Variants in KCNN2 observed in about 807,000 individuals in gnomAD.
The protein encoded by KCNN2 is potassium calcium-activated channel subfamily N member 2, also known as small conductance calcium-activated potassium channel protein 2.
Under a neutral mutation model 55.5 loss-of-function variants are expected in KCNN2, and 24 were observed. That is an observed-to-expected ratio of 0.43 (90% CI 0.31 to 0.61). KCNN2 has a LOEUF of 0.61. Ranked by LOEUF, KCNN2 falls within the 20% of genes least tolerant of loss-of-function variation. The pLI is 0.08. For missense variants in KCNN2, 754 were observed against 853.6 expected, an observed-to-expected ratio of 0.88 and a Z score of 1.45; for synonymous variants, 431 against 336.1, an observed-to-expected ratio of 1.28 and a Z score of -3.09.
chr5:114,214,340 G>A (rs1203243188), intron 1 of KCNN2, among the ~76,000 whole-genome samples: 2 of 151,798 alleles, frequency 1.3e-5, no homozygotes, highest in Non-Finnish European at 2.9e-5. Context: ...TGGCCTGTGG[G>A]CTATCGTTTG....
intron 2 of KCNN2, among the ~76,000 whole-genome samples, chr5:114,368,051 A>ATT (rs949453736): frequency 6.7e-6 from 1 of 150,050 alleles, no homozygotes; most frequent in African/African-American, 2.4e-5. Flanking sequence ...TTATACACAG[A>ATT]TTTTTTTTTT....
At chr5:114,384,283 C>T (rs529766280) in intron 2 of KCNN2, among the ~76,000 whole-genome samples, 1 of 152,154 alleles carries the variant, frequency 6.6e-6, no homozygotes, top group Non-Finnish European at 1.5e-5. Flanking sequence ...ACCTTCAATT[C>T]ACCACAGTTG....
rs548585276 is a variant in KCNN2 at position 114,217,454 on chromosome 5, T to A, written c.-270-4026T>A. ...GGGGAAAAAAATCGCCACATAAATG[T>A]AGTCAACTAAGCAAATATAGTCAAG... is the stretch of plus-strand genomic sequence containing the variant. On this transcript the variant is annotated intron_variant, in intron 1 of 10. Coordinates refer to the KCNN2 transcript ENST00000512097. 1.9e-4 allele frequency among the ~76,000 whole-genome samples: 29 copies of A among 152,186 alleles called. No homozygotes were observed. In the South Asian group the frequency reaches 5.2e-3, roughly 27 times the overall value.
intron 1 of KCNN2, among the ~76,000 whole-genome samples, chr5:114,164,480 A>T (rs1752865807): frequency 6.6e-6 from 1 of 152,186 alleles, no homozygotes; most frequent in Admixed American, 6.5e-5. Context: ...AATCAAGAAT[A>T]TTGGAAACTA....
At chr5:114,159,780 T>C (rs1327344519) in intron 1 of KCNN2, among the ~76,000 whole-genome samples, 1 of 152,218 alleles carries the variant, frequency 6.6e-6, no homozygotes, top group Non-Finnish European at 1.5e-5. Flanking sequence ...GATTTTCTAG[T>C]TTATTTGCGT....
At chr5:114,476,245 G>A (rs986094549) in intron 5 of KCNN2, among the ~76,000 whole-genome samples, 52 of 138,238 alleles carry the variant, frequency 3.8e-4, no homozygotes, top group African/African-American at 1.3e-3. Context: ...GTCCAACAAT[G>A]ATAGACTGGA....
At position 114,225,686 on chromosome 5, in the gene KCNN2, GA is replaced by G. The variant is rs199646615; in HGVS notation, c.-185+4130del. Reference sequence around the variant, plus strand: ...GAAAAAAATCCAAGTTATCTACAAAGAAAAAAAAAGAAAATCAAATTTTTAT... The same window carrying G: ...GAAAAAAATCCAAGTTATCTACAAAGAAAAAAAAGAAAATCAAATTTTTAT... On this transcript the variant is annotated intron_variant, in intron 2 of 10. Coordinates refer to the KCNN2 transcript ENST00000512097. Among the ~76,000 whole-genome samples the G allele has an allele frequency of 4.5e-4, 68 of 149,926 alleles. No individual in the cohort carries two copies. In the East Asian group the frequency reaches 5.4e-3, roughly 12 times the overall value.
chr5:114,289,503 A>C (rs1040146756), intron 2 of KCNN2, among the ~76,000 whole-genome samples: 1 of 151,798 alleles, frequency 6.6e-6, no homozygotes, highest in Middle Eastern at 3.2e-3. Flanking sequence ...TAGCCTCCCA[A>C]GTATCTGGGA....
intron 1 of KCNN2, among the ~76,000 whole-genome samples, chr5:114,096,538 GTC>G (rs1247446544): frequency 1.3e-5 from 2 of 151,994 alleles, no homozygotes; most frequent in Non-Finnish European, 2.9e-5. Context: ...CTCCTCTCCT[GTC>G]TCTGTCAGGC....
chr5:114,390,756 A>C (rs943164837), intron 2 of KCNN2, among the ~76,000 whole-genome samples: 2 of 152,164 alleles, frequency 1.3e-5, no homozygotes, highest in Admixed American at 1.3e-4. Context: ...GAGAGAACCA[A>C]AAAGGGTAAA....
At chr5:114,375,956 A>G (rs1023079148) in intron 2 of KCNN2, among the ~76,000 whole-genome samples, 4 of 84,114 alleles carry the variant, frequency 4.8e-5, no homozygotes, top group Admixed American at 2.8e-4. Flanking sequence ...CACAGTGTAT[A>G]TATATATATA....
intron 2 of KCNN2, 104 bp from the exon 3 acceptor site, chr5:114,404,334 C>G (rs1214451761): frequency 1.4e-5 from 12 of 861,074 alleles, no homozygotes; most frequent in Non-Finnish European, 1.6e-5. Flanking sequence ...CTTTAGCTTG[C>G]CATGATTGCT....
intron 1 of KCNN2, among the ~76,000 whole-genome samples, chr5:114,152,408 G>C (rs1386413272): frequency 6.6e-6 from 1 of 152,078 alleles, no homozygotes; most frequent in Non-Finnish European, 1.5e-5. Context: ...ACTCAAAAAA[G>C]ATTCTCTAAT....
At chr5:114,178,852 T>G (rs571257793) in intron 1 of KCNN2, among the ~76,000 whole-genome samples, 5 of 152,326 alleles carry the variant, frequency 3.3e-5, no homozygotes, top group African/African-American at 1.2e-4. Flanking sequence ...GTTGACATAT[T>G]TTCTCAGTTA....
At chr5:114,197,681 G>A (rs907724345) in intron 1 of KCNN2, among the ~76,000 whole-genome samples, 3 of 152,154 alleles carry the variant, frequency 2.0e-5, no homozygotes, top group Non-Finnish European at 4.4e-5. Context: ...AGGCTGGGAG[G>A]CAGAATAGGG....
chr5:114,060,344 T>TA (rs1361941986), intron 1 of KCNN2, among the ~76,000 whole-genome samples: 2 of 152,248 alleles, frequency 1.3e-5, no homozygotes, highest in African/African-American at 4.8e-5. Flanking sequence ...TCTCTTTACT[T>TA]ATCTCTGTTC....
At chr5:114,075,485 T>C (rs554090435) in intron 1 of KCNN2, among the ~76,000 whole-genome samples, 2 of 152,354 alleles carry the variant, frequency 1.3e-5, no homozygotes, top group South Asian at 4.1e-4. Context: ...TATGCTGCTG[T>C]GTAAAATGCA....
At chr5:114,128,606 ACT>A (rs1465305578) in intron 1 of KCNN2, among the ~76,000 whole-genome samples, 1 of 152,098 alleles carries the variant, frequency 6.6e-6, no homozygotes, top group African/African-American at 2.4e-5. Context: ...ACATAATTTA[ACT>A]CATAACAGTA....
intron 3 of KCNN2, among the ~76,000 whole-genome samples, chr5:114,408,934 A>T (rs1163807800): frequency 6.6e-6 from 1 of 152,206 alleles, no homozygotes; most frequent in African/African-American, 2.4e-5. Flanking sequence ...GTAAAGAGGC[A>T]ATAAAAGGTG....
Sources: allele counts gnomAD v4.1 joint callset (sites outside exome capture counted in the v4.1 genomes callset), GRCh38; gene constraint gnomAD v4.1.1; transcripts MANE v1.5; gene names NCBI Gene and HGNC (gene_info 2026-07-23, HGNC 2026-07-21).